TAF15: variants seen among roughly 807,000 people sequenced by gnomAD.
TAF15 encodes the protein TATA-box binding protein associated factor 15, also known as TATA-binding protein-associated factor 2N.
In TAF15, 37 loss-of-function variants were observed where a neutral mutation model predicts 102.5. The ratio of observed to expected loss-of-function variants is 0.36; its 90% CI spans 0.28 to 0.47. The LOEUF (loss-of-function observed/expected upper bound fraction) is 0.47, where lower values mean the gene tolerates loss of function less well. Among genes scored for constraint, TAF15 ranks in the 20% least tolerant of loss-of-function variants. The probability of loss-of-function intolerance (pLI) is 0.99; values close to 1 mark genes in which losing one functional copy is unlikely to be tolerated. For synonymous variants in TAF15, 273 were observed against 259.2 expected (o/e 1.05, Z -0.51); for missense variants, 652 against 760.7 (o/e 0.86, Z 1.68).
At chr17:35,823,751 T>G in intron 6 of TAF15, 1 of 315,634 alleles carries the variant, frequency 3.2e-6, no homozygotes, top group Non-Finnish European at 6.0e-6. Flanking sequence ...GCTTTTCATC[T>G]AAGTTACTAA....
chr17:35,836,012 C>G (rs2143807683), intron 9 of TAF15, 120 bp from the exon 10 acceptor site: 2 of 703,240 alleles, frequency 2.8e-6, no homozygotes, highest in South Asian at 1.7e-5. Flanking sequence ...TTATATTGGT[C>G]CTTTCCTTTT....
At chr17:35,842,550 G>C in intron 12 of TAF15, 91 bp downstream of exon 12, 1 of 1,012,964 alleles carries the variant, frequency 9.9e-7, no homozygotes, top group Non-Finnish European at 1.5e-6. Context: ...ACTTGCTACT[G>C]CTTTTTCTCT....
chr17:35,840,846 G>A lies in TAF15; in HGVS notation c.914-1521G>A, dbSNP rs112152539. Among the ~76,000 whole-genome samples the A allele has an allele frequency of 5.9e-5, 9 of 151,552 alleles. 1 individual carries two copies. Among genetic ancestry groups the A allele is most frequent in the South Asian group, 2.1e-4 (1 of 4,804 alleles). On this transcript the variant is annotated intron_variant, in intron 11 of 15. Transcript: ENST00000605844. ...GCCACTGTACTCCAGCCTGGGTGAC[G>A]CACAGCAAGACTCCGTCAAAAAAAA...
At position 35,817,222 on chromosome 17, in the gene TAF15, CT is replaced by C. The variant is rs771696244; in HGVS notation, c.8-479del. ...CAGAATAGAGCAACTAACTTAGCTG[CT>C]TTTTTTTTTTTTTTAGCAAGTCTTT... On this transcript the variant is annotated intron_variant, in intron 1 of 15. Transcript: ENST00000605844. 8.7e-3 allele frequency: 1,174 copies of C among 134,250 alleles called. 11 individuals are homozygous for C. The highest frequency in any genetic ancestry group is 0.019 in the African/African-American group (694 of 36,688). 8.3% of individuals were successfully genotyped at this position (134,250 alleles called of 1,614,324 possible). A position where few individuals can be genotyped will look rare whatever the true frequency, so the allele number is the denominator to read the frequency against.
At chr17:35,819,866 C>T (rs376482834) in intron 2 of TAF15, among the ~76,000 whole-genome samples, 158 bp from the exon 3 acceptor site, 1 of 152,072 alleles carries the variant, frequency 6.6e-6, no homozygotes, top group South Asian at 2.1e-4. Flanking sequence ...AGTCTTTGAT[C>T]GTCACCTTTC....
At chr17:35,845,635 A>G (rs1229918758) in intron 15 of TAF15, among the ~76,000 whole-genome samples, 3 of 152,000 alleles carry the variant, frequency 2.0e-5, no homozygotes, top group Non-Finnish European at 2.9e-5. Context: ...TCAGCCTCCC[A>G]AGTAGCTGGG....
intron 11 of TAF15, among the ~76,000 whole-genome samples, chr17:35,840,762 G>A (rs148065954): frequency 0.018 from 2,726 of 152,066 alleles, 29 homozygotes; most frequent in Middle Eastern, 0.071. Flanking sequence ...TACTCAGGAG[G>A]CTGAGGCAGG....
chr17:35,841,102 T>A (rs961499086), intron 11 of TAF15, among the ~76,000 whole-genome samples: 14 of 152,220 alleles, frequency 9.2e-5, no homozygotes, highest in African/African-American at 3.1e-4. Context: ...TAAACCTAAC[T>A]CCATAGTTCA....
intron 1 of TAF15, among the ~76,000 whole-genome samples, chr17:35,814,119 C>G (rs1203133827): frequency 6.6e-6 from 1 of 151,718 alleles, no homozygotes; most frequent in Non-Finnish European, 1.5e-5. Context: ...GTTGCCCAGG[C>G]TGGTCTTGAA....
chr17:35,812,992 T>G (rs2143733948), intron 1 of TAF15, among the ~76,000 whole-genome samples: 1 of 151,296 alleles, frequency 6.6e-6, no homozygotes, highest in East Asian at 2.0e-4. Flanking sequence ...CCAGGTGAGG[T>G]GGCGGGAACC....
chr17:35,836,393 T>A lies in TAF15; in HGVS notation c.783+152T>A, dbSNP rs4251766. On this transcript the variant is annotated intron_variant, in intron 10 of 15. Transcript: ENST00000605844. ...TTTATGTCTGTAGACGTTTGCTAAA[T>A]TTGTTGAATATATGAAGATTTTATT... 0.024 allele frequency: 15,014 copies of A among 622,042 alleles called. 670 individuals are homozygous for A. Among genetic ancestry groups the A allele is most frequent in the East Asian group, 0.12 (4,384 of 36,096 alleles). The allele number at this position is 622,042 out of a possible 1,614,324, so 38.5% of individuals were successfully genotyped here.
intron 2 of TAF15, 110 bp from the exon 3 acceptor site, chr17:35,819,914 C>T: frequency 1.2e-5 from 11 of 945,622 alleles, no homozygotes; most frequent in South Asian, 1.0e-4. Flanking sequence ...GATGATTTCT[C>T]AGCAAAGAAG....
intron 9 of TAF15, among the ~76,000 whole-genome samples, chr17:35,835,498 T>C (rs1042709614): frequency 5.3e-5 from 8 of 152,254 alleles, no homozygotes; most frequent in Non-Finnish European, 7.3e-5. Context: ...ATCAGAACTT[T>C]TGTTTTTATT....
At chr17:35,845,156 A>T in intron 15 of TAF15, 118 bp downstream of exon 15, 1 of 1,277,178 alleles carries the variant, frequency 7.8e-7, no homozygotes, top group Admixed American at 2.0e-5. Context: ...TTCTCTCAGG[A>T]TGGAGAAGAT....
chr17:35,813,037 G>C (rs987592237), intron 1 of TAF15, among the ~76,000 whole-genome samples: 1 of 144,214 alleles, frequency 6.9e-6, no homozygotes, highest in South Asian at 2.3e-4. Flanking sequence ...TGAGGCACCA[G>C]AATTGGTTGA....
chr17:35,823,831 C>T, intron 6 of TAF15: 1 of 559,358 alleles, frequency 1.8e-6, no homozygotes, highest in Non-Finnish European at 3.2e-6. Flanking sequence ...GTCACTTTAG[C>T]AGAATGGAAT....
At chr17:35,840,488 G>A (rs1330718136) in intron 11 of TAF15, among the ~76,000 whole-genome samples, 2 of 150,456 alleles carry the variant, frequency 1.3e-5, no homozygotes, top group Admixed American at 6.6e-5. Flanking sequence ...TCCTGACCTC[G>A]TGATCCACCC....
intron 1 of TAF15, chr17:35,810,507 G>C (rs1159219799): frequency 2.6e-5 from 4 of 152,130 alleles, no homozygotes; most frequent in African/African-American, 7.2e-5. Context: ...GTTCACACAG[G>C]GTCCTCTATT....
intron 7 of TAF15, among the ~76,000 whole-genome samples, chr17:35,831,362 G>A (rs867348112): frequency 2.7e-5 from 4 of 150,446 alleles, no homozygotes; most frequent in Non-Finnish European, 5.9e-5. Context: ...AGCCGAGATC[G>A]CGCCACTGCA....
Sources: allele counts gnomAD v4.1 joint callset (sites outside exome capture counted in the v4.1 genomes callset), GRCh38; gene constraint gnomAD v4.1.1; transcripts MANE v1.5; gene names NCBI Gene and HGNC (gene_info 2026-07-23, HGNC 2026-07-21).